The following EHMT1 variants were observed in gnomAD, a reference collection of about 807,000 sequenced individuals.
EHMT1 encodes the protein histone-lysine N-methyltransferase EHMT1.
A neutral mutation model predicts 147.2 loss-of-function variants in EHMT1; 15 were observed. The ratio of observed to expected loss-of-function variants is 0.10; its 90% CI spans 0.07 to 0.16. The LOEUF (loss-of-function observed/expected upper bound fraction) is 0.16, where lower values mean the gene tolerates loss of function less well. EHMT1 is among the 10% of genes least tolerant of loss of function. The pLI is 1.00. For missense variants in EHMT1, 1,587 were observed against 1,772.4 expected, an observed-to-expected ratio of 0.90 and a Z score of 1.88; for synonymous variants, 795 against 709.6, an observed-to-expected ratio of 1.12 and a Z score of -1.91.
At chr9:137,754,566 G>A (rs958606647) in intron 8 of EHMT1, among the ~76,000 whole-genome samples, 18 of 151,826 alleles carry the variant, frequency 1.2e-4, no homozygotes, top group Non-Finnish European at 2.4e-4. Flanking sequence ...AGGCTGGAGC[G>A]CAGTGGCACG....
intron 10 of EHMT1, among the ~76,000 whole-genome samples, chr9:137,772,299 T>C (rs1564731157): frequency 6.6e-6 from 1 of 152,114 alleles, no homozygotes; most frequent in Non-Finnish European, 1.5e-5. Flanking sequence ...CATGGGCACA[T>C]GGGGATACAT....
chr9:137,706,129 G>T (rs1440079623), intron 1 of EHMT1, among the ~76,000 whole-genome samples: 1 of 152,190 alleles, frequency 6.6e-6, no homozygotes, highest in African/African-American at 2.4e-5. Flanking sequence ...CGGGGCCATG[G>T]CAGGGCAGGG....
Position 137,667,759 on chromosome 9 carries a change from G to A in EHMT1, c.22-43208G>A, listed in dbSNP as rs193166506. ...AAAGGAAATTGTCTACAGTGAAAGC[G>A]TTGTATTTTTAGAGAACTCGGGGAG... is the stretch of plus-strand genomic sequence containing the variant. On this transcript the variant is annotated intron_variant, in intron 1 of 26. Transcript: ENST00000460843. Among the ~76,000 whole-genome samples the A allele has an allele frequency of 4.7e-4, 71 of 152,254 alleles. 2 individuals carry two copies. Among genetic ancestry groups the A allele is most frequent in the East Asian group, 1.2e-3 (6 of 5,180 alleles).
In EHMT1 at chr9:137,817,441, C is replaced by T. The variant is rs560251933; in HGVS notation, c.3377C>T (p.Ala1126Val). 8.9e-5 allele frequency: 143 copies of T among 1,614,070 alleles called. No homozygotes were observed. The highest frequency in any genetic ancestry group is 1.2e-4 in the Non-Finnish European group (141 of 1,180,040). ...CACCACTACTCTCTATTTTTCAGGG[C>T]AAGGCTGCAGCTCTACCGGACGCGG... is the stretch of plus-strand genomic sequence containing the variant. The part of the protein sequence containing the change: ...RNRVVQNGLR[A>V]RLQLYRTRDM... Residue 1126 changes from alanine to valine, a missense_variant and splice_region_variant, in exon 24 of 27, where the codon GCA (alanine) becomes GTA (valine). Ala to Val is a moderately conservative substitution (Grantham distance 64). Coordinates refer to ENST00000460843, the MANE Select transcript of EHMT1 (RefSeq NM_024757.5).
chr9:137,718,651 C>T (rs1945597976), intron 3 of EHMT1, among the ~76,000 whole-genome samples: 1 of 152,058 alleles, frequency 6.6e-6, no homozygotes, highest in South Asian at 2.1e-4. Context: ...TTCCTCAGCC[C>T]TTCCCCTTCT....
intron 9 of EHMT1, among the ~76,000 whole-genome samples, chr9:137,758,852 G>A (rs1186055932): frequency 6.6e-6 from 1 of 152,154 alleles, no homozygotes; most frequent in Non-Finnish European, 1.5e-5. Flanking sequence ...GTCCGGCTGG[G>A]CGCGGTGGCT....
intron 2 of EHMT1, among the ~76,000 whole-genome samples, chr9:137,712,576 T>C (rs1436191484): frequency 6.6e-6 from 1 of 152,216 alleles, no homozygotes; most frequent in African/African-American, 2.4e-5. Flanking sequence ...CTGGCCATCT[T>C]TAGAGCTTCT....
rs192875512 is a variant in EHMT1 at position 137,660,614 on chromosome 9, G to C, written c.21+41565G>C. ...AACAATCCTGTTCGGATATTAATTG[G>C]AATTGCACTGAATCTATGGATCAAT... On this transcript the variant is annotated intron_variant, in intron 1 of 26. Coordinates refer to ENST00000460843, the MANE Select transcript of EHMT1 (RefSeq NM_024757.5). Among the ~76,000 whole-genome samples the C allele has an allele frequency of 1.7e-3, 261 of 152,228 alleles. 1 individual carries two copies. Among genetic ancestry groups the C allele is most frequent in the Non-Finnish European group, 2.7e-3 (181 of 68,020 alleles).
intron 25 of EHMT1, among the ~76,000 whole-genome samples, chr9:137,830,065 T>G (rs1053084359): frequency 6.6e-6 from 1 of 152,204 alleles, no homozygotes; most frequent in African/African-American, 2.4e-5. Flanking sequence ...TTCTTTCCTC[T>G]GTTTTGAGTG....
chr9:137,657,845 C>T (rs545201256), intron 1 of EHMT1, among the ~76,000 whole-genome samples: 1 of 141,968 alleles, frequency 7.0e-6, no homozygotes, highest in Non-Finnish European at 1.5e-5. Context: ...GCAAACCATC[C>T]TTCTACTTTT....
chr9:137,810,512 TTA>T (rs1954381669), intron 18 of EHMT1, among the ~76,000 whole-genome samples: 1 of 152,260 alleles, frequency 6.6e-6, no homozygotes, highest in South Asian at 2.1e-4. Context: ...GAACATTTTC[TTA>T]TGTTTACCGT....
chr9:137,703,316 C>T (rs773639405), intron 1 of EHMT1, among the ~76,000 whole-genome samples: 26 of 152,256 alleles, frequency 1.7e-4, no homozygotes, highest in Non-Finnish European at 2.9e-4. Context: ...CTGGCTTGAA[C>T]CCCTTCCCTG....
At chr9:137,717,301 C>A in intron 3 of EHMT1, 119 bp downstream of exon 3, 1 of 1,325,864 alleles carries the variant, frequency 7.5e-7, no homozygotes, top group Non-Finnish European at 1.0e-6. Flanking sequence ...TCCGACAGGG[C>A]CTATGAGGAG....
At chr9:137,630,758 CTG>C (rs983821154) in intron 1 of EHMT1, among the ~76,000 whole-genome samples, 5 of 152,022 alleles carry the variant, frequency 3.3e-5, no homozygotes, top group Admixed American at 2.0e-4. Flanking sequence ...GTTTCCTCGA[CTG>C]TGATTTGGGT....
In EHMT1 at chr9:137,804,937, TGTCA is replaced by T. The variant is rs376981639; in HGVS notation, c.2712+3958_2712+3961del. Among the ~76,000 whole-genome samples the T allele has an allele frequency of 3.2e-4, 48 of 152,370 alleles. No homozygotes were observed. In the East Asian group the frequency reaches 3.5e-3, roughly 11 times the overall value. On this transcript the variant is annotated intron_variant, in intron 18 of 26. Transcript: ENST00000460843. ...CACATGTGTCAGTCATTTGCATGTC[TGTCA>T]GTCATCCATGTATGAGTCCGTCCAT...
intron 19 of EHMT1, 65 bp downstream of exon 19, chr9:137,811,680 C>T (rs1954496896): frequency 6.3e-7 from 1 of 1,591,736 alleles, no homozygotes; most frequent in Admixed American, 1.7e-5. Context: ...AGAGAGACCG[C>T]TTGACAGTCT....
At chr9:137,797,714 G>A (rs1953076274) in intron 16 of EHMT1, among the ~76,000 whole-genome samples, 1 of 152,288 alleles carries the variant, frequency 6.6e-6, no homozygotes, top group Admixed American at 6.5e-5. Flanking sequence ...AGGTAGGGGA[G>A]CAGTATGTGC....
At chr9:137,687,804 T>C (rs1283755915) in intron 1 of EHMT1, among the ~76,000 whole-genome samples, 1 of 152,170 alleles carries the variant, frequency 6.6e-6, no homozygotes, top group African/African-American at 2.4e-5. Flanking sequence ...TTCTGTTGGG[T>C]CTGTGCCACC....
intron 1 of EHMT1, among the ~76,000 whole-genome samples, chr9:137,650,219 C>T (rs1319389636): frequency 2.0e-5 from 3 of 152,152 alleles, no homozygotes; most frequent in African/African-American, 7.2e-5. Flanking sequence ...CCGCCTTAGC[C>T]TCCTTAATAG....
Sources: gnomAD v4.1 joint callset for allele counts (sites outside exome capture counted in the v4.1 genomes callset) on GRCh38, gnomAD v4.1.1 for gene constraint, MANE v1.5 for transcripts, NCBI Gene and HGNC (gene_info 2026-07-23, HGNC 2026-07-21) for gene names.